SPOCK3: variants seen among roughly 807,000 people sequenced by gnomAD.
The protein encoded by SPOCK3 is SPARC (osteonectin), cwcv and kazal like domains proteoglycan 3, also known as testican-3.
Under a neutral mutation model 56.6 loss-of-function variants are expected in SPOCK3, and 30 were observed. That is an observed-to-expected ratio of 0.53 (90% CI 0.40 to 0.72). SPOCK3 has a LOEUF of 0.72. SPOCK3 is among the 30% of genes least tolerant of loss of function. The pLI is 0.00. For missense variants in SPOCK3, 527 were observed against 530.0 expected, an observed-to-expected ratio of 0.99 and a Z score of 0.06; for synonymous variants, 196 against 183.3, an observed-to-expected ratio of 1.07 and a Z score of -0.56.
rs1014946584 is a variant in SPOCK3, at chr4:166,815,588, G to A, written c.590-23299C>T. On this transcript the variant is annotated intron_variant, in intron 6 of 10. Transcript: ENST00000357545. ...GGGAAGATCACTTGAGGCCAGGAGT[G>A]AGCAACATAGCAAGACTCTCTCTCT... 2.1e-4 allele frequency among the ~76,000 whole-genome samples: 32 copies of A among 152,056 alleles called. 1 individual carries two copies. The highest frequency in any genetic ancestry group is 6.7e-4 in the African/African-American group (28 of 41,514).
intron 6 of SPOCK3, among the ~76,000 whole-genome samples, chr4:166,841,922 G>T (rs1747408383): frequency 6.6e-6 from 1 of 152,212 alleles, no homozygotes; most frequent in Non-Finnish European, 1.5e-5. Context: ...AAGATGGTGT[G>T]TCTGTAGTTT....
At chr4:166,908,340 C>A (rs1736861183) in intron 5 of SPOCK3, among the ~76,000 whole-genome samples, 2 of 131,984 alleles carry the variant, frequency 1.5e-5, no homozygotes, top group South Asian at 4.9e-4. Flanking sequence ...TATTCAAAGG[C>A]AATAATTTGA....
At chr4:167,183,178 GA>G (rs1216698743) in intron 2 of SPOCK3, among the ~76,000 whole-genome samples, 3 of 151,972 alleles carry the variant, frequency 2.0e-5, no homozygotes, top group Admixed American at 6.6e-5. Context: ...CTCCCAGCCA[GA>G]AAACCCTAAT....
At chr4:166,955,198 T>C (rs1466905828) in intron 4 of SPOCK3, among the ~76,000 whole-genome samples, 1 of 152,010 alleles carries the variant, frequency 6.6e-6, no homozygotes, top group African/African-American at 2.4e-5. Context: ...CAGAAAAATG[T>C]ATGAGTTTCT....
rs188698197 is a variant in SPOCK3, at chr4:166,960,502, A to C, written c.350+39847T>G. Among the ~76,000 whole-genome samples the C allele has an allele frequency of 8.5e-5, 13 of 152,308 alleles. 1 individual carries two copies. The highest frequency in any genetic ancestry group is 7.2e-4 in the Admixed American group (11 of 15,286). ...CCCAGAATATAAAATAATCAATCTT[A>C]GCAGCTTTGGCAGTGAGTCTGATAG... is the stretch of plus-strand genomic sequence containing the variant. On this transcript the variant is annotated intron_variant, in intron 4 of 10. Coordinates refer to ENST00000357545, the MANE Select transcript of SPOCK3 (RefSeq NM_001040159.2).
intron 3 of SPOCK3, among the ~76,000 whole-genome samples, chr4:167,039,531 A>C (rs1403824579): frequency 6.6e-6 from 1 of 152,122 alleles, no homozygotes; most frequent in Non-Finnish European, 1.5e-5. Context: ...GTGTCTATAC[A>C]TATGTATTTT....
At chr4:166,763,238 G>A (rs534630475) in intron 7 of SPOCK3, among the ~76,000 whole-genome samples, 1 of 152,092 alleles carries the variant, frequency 6.6e-6, no homozygotes, top group African/African-American at 2.4e-5. Context: ...CAGAGGCTAT[G>A]AAGCCCAGAA....
At chr4:167,143,184 A>G (rs1302953446) in intron 2 of SPOCK3, among the ~76,000 whole-genome samples, 2 of 152,034 alleles carry the variant, frequency 1.3e-5, no homozygotes, top group Non-Finnish European at 2.9e-5. Flanking sequence ...GCATAAAAGT[A>G]AACAAATACA....
rs1262456205 is a variant in SPOCK3, at chr4:166,835,240, C to T, written c.590-42951G>A. Reference sequence around the variant, plus strand: ...ATTATCATTGCTGAGATTATTTCTTCCTACAATTTAAACATCTATTAAATA... The same window carrying T: ...ATTATCATTGCTGAGATTATTTCTTTCTACAATTTAAACATCTATTAAATA... On this transcript the variant is annotated intron_variant, in intron 6 of 10. Transcript: ENST00000357545. Among the ~76,000 whole-genome samples, 4 of 152,176 alleles carry T rather than the reference C, an allele frequency of 2.6e-5. No homozygotes were observed. The East Asian group carries it at 7.7e-4, about 29-fold the overall frequency.
At chr4:166,953,824 C>G (rs1024303686) in intron 4 of SPOCK3, among the ~76,000 whole-genome samples, 9 of 119,964 alleles carry the variant, frequency 7.5e-5, no homozygotes, top group African/African-American at 2.3e-4. Context: ...TCTCAGTAAA[C>G]TATCGTAAGA....
chr4:166,877,961 T>C (rs1263360848), intron 6 of SPOCK3, among the ~76,000 whole-genome samples: 3 of 152,064 alleles, frequency 2.0e-5, no homozygotes, highest in Non-Finnish European at 2.9e-5. Flanking sequence ...CTTGGAAATA[T>C]GAAAAATGCT....
In SPOCK3 at chr4:166,742,035, C is replaced by T. The variant is rs375122035; in HGVS notation, c.956G>A (p.Ser319Asn). 3.5e-5 allele frequency: 57 copies of T among 1,612,942 alleles called. No homozygotes were observed. Among genetic ancestry groups the T allele is most frequent in the Middle Eastern group, 1.6e-4 (1 of 6,072 alleles). ...QQDPPCQTELSNIQKRQGVKK... is the reference protein window; with the variant it reads ...QQDPPCQTELNNIQKRQGVKK... The stretch of plus-strand genomic sequence containing the variant: ...TACCCCTTGCCGCTTCTGAATATTG[C>T]TGAGCTCAGTCTGGCAAGGTGGGTC... Residue 319 changes from serine to asparagine, a missense_variant, in exon 9 of 11, where the codon AGC becomes AAC. Physicochemically the swap from Ser to Asn is conservative, Grantham distance 46. Transcript: ENST00000357545.
chr4:167,088,698 C>T (rs1353082577), intron 2 of SPOCK3, among the ~76,000 whole-genome samples: 8 of 151,922 alleles, frequency 5.3e-5, no homozygotes, highest in Admixed American at 2.0e-4. Context: ...CTCTTGACTT[C>T]GTGATCGGCC....
intron 2 of SPOCK3, among the ~76,000 whole-genome samples, chr4:167,154,002 C>T (rs370782685): frequency 6.6e-6 from 1 of 152,078 alleles, no homozygotes; most frequent in Non-Finnish European, 1.5e-5. Context: ...GCCTCAAGCC[C>T]CCAATACTAG....
At chr4:166,891,249 T>G (rs1734747704) in intron 5 of SPOCK3, among the ~76,000 whole-genome samples, 1 of 152,008 alleles carries the variant, frequency 6.6e-6, no homozygotes, top group Admixed American at 6.6e-5. Context: ...TGCCATAATT[T>G]ACTCAGAGAA....
At position 167,128,852 on chromosome 4, in the gene SPOCK3, C is replaced by T. The variant is rs17052980; in HGVS notation, c.190-66315G>A. On this transcript the variant is annotated intron_variant, in intron 2 of 10. Transcript: ENST00000357545. ...GTTTACCAAGAACATCCATTCCCAACAGTCTCCCTCGTGGCCCACCCTGAA... is the reference window on the plus strand; with the variant it reads ...GTTTACCAAGAACATCCATTCCCAATAGTCTCCCTCGTGGCCCACCCTGAA... Among the ~76,000 whole-genome samples the T allele has an allele frequency of 5.9e-3, 895 of 152,260 alleles. 12 individuals are homozygous for T. Among genetic ancestry groups the T allele is most frequent in the African/African-American group, 0.02 (846 of 41,540 alleles).
intron 4 of SPOCK3, among the ~76,000 whole-genome samples, chr4:166,922,429 C>T (rs1234596487): frequency 6.6e-6 from 1 of 152,098 alleles, no homozygotes; most frequent in African/African-American, 2.4e-5. Flanking sequence ...ACTTTGATGC[C>T]ATTGGTTTGT....
intron 6 of SPOCK3, among the ~76,000 whole-genome samples, chr4:166,796,456 A>G (rs554574455): frequency 6.6e-6 from 1 of 152,270 alleles, no homozygotes; most frequent in South Asian, 2.1e-4. Flanking sequence ...TTCCAATAGT[A>G]TATTTAACAA....
At chr4:167,085,407 C>T (rs984374545) in intron 2 of SPOCK3, among the ~76,000 whole-genome samples, 20 of 152,048 alleles carry the variant, frequency 1.3e-4, no homozygotes, top group African/African-American at 4.8e-4. Flanking sequence ...AAATTTATTC[C>T]AGGACCTCTG....
Sources: gnomAD v4.1 joint callset for allele counts (sites outside exome capture counted in the v4.1 genomes callset) on GRCh38, gnomAD v4.1.1 for gene constraint, MANE v1.5 for transcripts, NCBI Gene and HGNC (gene_info 2026-07-23, HGNC 2026-07-21) for gene names.